PCDHA7: variants seen among roughly 807,000 people sequenced by gnomAD.
PCDHA7 encodes the protein protocadherin alpha 7.
Under a neutral mutation model 57.2 loss-of-function variants are expected in PCDHA7, and 37 were observed. The observed-to-expected ratio is 0.65, with a 90% CI of 0.50 to 0.85. The LOEUF (loss-of-function observed/expected upper bound fraction) is 0.85, where lower values mean the gene tolerates loss of function less well. Ranked by LOEUF, PCDHA7 falls within the 40% of genes least tolerant of loss-of-function variation. The pLI is 0.00. For synonymous variants in PCDHA7, 553 were observed against 558.8 expected, an observed-to-expected ratio of 0.99 and a Z score of 0.15; for missense variants, 1,188 against 1,241.8, an observed-to-expected ratio of 0.96 and a Z score of 0.65.
chr5:140,888,724 C>G (rs1437926423), intron 1 of PCDHA7, among the ~76,000 whole-genome samples: 6 of 151,938 alleles, frequency 3.9e-5, no homozygotes, highest in African/African-American at 1.5e-4. Flanking sequence ...ATTTCCAGCC[C>G]TTTGTGAGCT....
chr5:140,919,981 T>TA (rs869118855), intron 1 of PCDHA7, among the ~76,000 whole-genome samples: 2 of 133,388 alleles, frequency 1.5e-5, no homozygotes, highest in Admixed American at 7.6e-5. Flanking sequence ...AGATAGAAGA[T>TA]GGAAAACAGA....
intron 1 of PCDHA7, chr5:140,928,545 T>C: frequency 6.2e-7 from 1 of 1,614,220 alleles, no homozygotes; most frequent in Non-Finnish European, 8.5e-7. Flanking sequence ...GGAATGACAA[T>C]TATCCGGTTA....
At chr5:141,002,134 C>T (rs1477082485) in intron 3 of PCDHA7, among the ~76,000 whole-genome samples, 1 of 152,216 alleles carries the variant, frequency 6.6e-6, no homozygotes, top group African/African-American at 2.4e-5. Flanking sequence ...TAGCCTTTGC[C>T]GGCTGCACTG....
intron 1 of PCDHA7, chr5:140,968,774 C>G: frequency 6.2e-7 from 1 of 1,614,206 alleles, no homozygotes; most frequent in Non-Finnish European, 8.5e-7. Flanking sequence ...AGAGCCATCA[C>G]TATCAGCCTC....
chr5:140,868,571 A>G (rs1326549440), intron 1 of PCDHA7: 1 of 152,948 alleles, frequency 6.5e-6, no homozygotes, highest in Non-Finnish European at 1.5e-5. Context: ...GAGGAACAAC[A>G]CTTTCAGGAA....
intron 1 of PCDHA7, among the ~76,000 whole-genome samples, chr5:140,934,942 A>G (rs146210062): frequency 2.5e-3 from 376 of 152,312 alleles, no homozygotes; most frequent in African/African-American, 8.6e-3. Flanking sequence ...AAACTAGTAT[A>G]GAGAGATCCC....
At chr5:140,870,534 G>T (rs547039725) in intron 1 of PCDHA7, 12 of 1,614,150 alleles carry the variant, frequency 7.4e-6, no homozygotes, top group Non-Finnish European at 1.0e-5. Context: ...TCACAGTGTC[G>T]GCGCGGGACG....
intron 1 of PCDHA7, among the ~76,000 whole-genome samples, chr5:140,885,133 T>G (rs2060482847): frequency 6.6e-6 from 1 of 152,216 alleles, no homozygotes; most frequent in Admixed American, 6.5e-5. Context: ...CTTTCTTTCT[T>G]TTTTTAAACT....
At chr5:140,878,571 A>G (rs531090803) in intron 1 of PCDHA7, among the ~76,000 whole-genome samples, 48 of 152,346 alleles carry the variant, frequency 3.2e-4, no homozygotes, top group African/African-American at 1.1e-3. Context: ...ATCATAGTAT[A>G]CCACTGCCCT....
rs1554203742 is a variant in PCDHA7 at position 140,926,854 on chromosome 5, G to A, written c.2356-52095G>A. 10 of 1,520,530 alleles carry A rather than the reference G, an allele frequency of 6.6e-6. No homozygotes were observed. In the South Asian group the frequency reaches 1.3e-4, roughly 20 times the overall value. The allele number at this position is 1,520,530 out of a possible 1,614,324, so 94.2% of individuals were successfully genotyped here. On this transcript the variant is annotated intron_variant, in intron 1 of 3. Transcript: ENST00000525929. Reference sequence around the variant, plus strand: ...GGAGCATGGTCCTGGGTCACCGTTGGTGTAGCGTGTTGGTGGAACGTGGAC... The same window carrying A: ...GGAGCATGGTCCTGGGTCACCGTTGATGTAGCGTGTTGGTGGAACGTGGAC...
At chr5:140,862,820 G>A (rs782106101) in intron 1 of PCDHA7, 2 of 574,854 alleles carry the variant, frequency 3.5e-6, no homozygotes, top group Non-Finnish European at 6.7e-6. Context: ...TTCTAGGTGA[G>A]AGCGCGCGAC....
intron 1 of PCDHA7, chr5:140,848,709 G>T: frequency 6.3e-7 from 1 of 1,592,420 alleles, no homozygotes; most frequent in African/African-American, 1.3e-5. Context: ...CAAAGGCCGC[G>T]GGGACCTTCT....
In PCDHA7 at chr5:140,968,471, G is replaced by A. The variant is rs531821868; in HGVS notation, c.2356-10478G>A. On this transcript the variant is annotated intron_variant, in intron 1 of 3. Coordinates refer to ENST00000525929, the MANE Select transcript of PCDHA7 (RefSeq NM_018910.3). ...CAGCACTGTGACTGCCAACGTATAT[G>A]TGGTGGACATGAATGACCATGCCCC... 3.3e-5 allele frequency: 54 copies of A among 1,614,154 alleles called. No homozygotes were observed. The South Asian group carries it at 5.7e-4, about 17-fold the overall frequency.
rs548391443 is a variant in PCDHA7, at chr5:140,892,979, C to T, written c.2355+56241C>T. Among the ~76,000 whole-genome samples, 6 of 152,224 alleles carry T rather than the reference C, an allele frequency of 3.9e-5. No individual in the cohort carries two copies. The South Asian group carries it at 1.2e-3, about 32-fold the overall frequency. On this transcript the variant is annotated intron_variant, in intron 1 of 3. Transcript: ENST00000525929. ...GAGCTCAATAAAATTTTGTAGCTGC[C>T]GTATAAGTGAGAACATGTATTTATT...
chr5:140,857,015 G>A, intron 1 of PCDHA7: 2 of 1,596,400 alleles, frequency 1.3e-6, no homozygotes, highest in Non-Finnish European at 1.7e-6. Context: ...AGATGTTACA[G>A]ATAAGGGAAA....
intron 1 of PCDHA7, among the ~76,000 whole-genome samples, chr5:140,955,464 T>C (rs563782102): frequency 2.0e-5 from 3 of 152,218 alleles, no homozygotes; most frequent in South Asian, 2.1e-4. Context: ...TTTTTCCTTT[T>C]TGCTTGGCAC....
At chr5:140,990,022 G>C (rs891983888) in intron 3 of PCDHA7, among the ~76,000 whole-genome samples, 1 of 152,156 alleles carries the variant, frequency 6.6e-6, no homozygotes, top group Non-Finnish European at 1.5e-5. Flanking sequence ...GCTAGGCAAA[G>C]GATGGGAGAA....
intron 1 of PCDHA7, chr5:140,875,761 G>T (rs373515339): frequency 8.7e-6 from 14 of 1,614,236 alleles, no homozygotes; most frequent in Non-Finnish European, 1.1e-5. Context: ...GAAGCTGTGC[G>T]GGCGGAGCGC....
chr5:140,994,608 G>A (rs1231327885), intron 3 of PCDHA7, among the ~76,000 whole-genome samples: 1 of 152,098 alleles, frequency 6.6e-6, no homozygotes, highest in African/African-American at 2.4e-5. Context: ...GGGAGGCTGA[G>A]GCACGAGAGT....
Sources: allele counts gnomAD v4.1 joint callset (sites outside exome capture counted in the v4.1 genomes callset), GRCh38; gene constraint gnomAD v4.1.1; transcripts MANE v1.5; gene names NCBI Gene and HGNC (gene_info 2026-07-23, HGNC 2026-07-21).